The following PDIA5 variants were observed in gnomAD, a reference collection of about 807,000 sequenced individuals.
PDIA5 encodes the protein protein disulfide isomerase family A member 5, also known as protein disulfide-isomerase A5.
PDIA5 carries 58 observed loss-of-function variants against 77.6 expected under a neutral mutation model. The ratio of observed to expected loss-of-function variants is 0.75; its 90% CI spans 0.61 to 0.93. The LOEUF is 0.93. Ranked by LOEUF, PDIA5 falls within the 40% of genes least tolerant of loss-of-function variation. The probability of loss-of-function intolerance (pLI) is 0.00; values close to 1 mark genes in which losing one functional copy is unlikely to be tolerated. For missense variants in PDIA5, 630 were observed against 647.7 expected (o/e 0.97, Z 0.30); for synonymous variants, 250 against 252.1 (o/e 0.99, Z 0.08).
intron 3 of PDIA5, among the ~76,000 whole-genome samples, chr3:123,098,242 T>G (rs1338387162): frequency 6.6e-6 from 1 of 152,180 alleles, no homozygotes; most frequent in African/African-American, 2.4e-5. Context: ...CAGAGGTCGC[T>G]AATGGCAGAG....
intron 8 of PDIA5, 152 bp from the exon 9 acceptor site, chr3:123,123,914 G>T (rs1443703449): frequency 1.6e-6 from 1 of 622,684 alleles, no homozygotes; most frequent in Non-Finnish European, 2.9e-6. Flanking sequence ...GGCTTCGCTG[G>T]CCTTGTTTCT....
At chr3:123,139,202 C>T (rs1935568339) in intron 11 of PDIA5, among the ~76,000 whole-genome samples, 1 of 152,170 alleles carries the variant, frequency 6.6e-6, no homozygotes, top group Non-Finnish European at 1.5e-5. Flanking sequence ...ACACAAAATG[C>T]AGTGGGCCGG....
At chr3:123,156,030 C>T (rs118122986) in intron 15 of PDIA5, among the ~76,000 whole-genome samples, 3 of 152,022 alleles carry the variant, frequency 2.0e-5, no homozygotes, top group East Asian at 3.9e-4. Context: ...ATCCCAGGGC[C>T]GGGTGGGCAG....
intron 13 of PDIA5, among the ~76,000 whole-genome samples, chr3:123,146,728 T>C (rs1195632601): frequency 6.6e-6 from 1 of 152,232 alleles, no homozygotes; most frequent in Non-Finnish European, 1.5e-5. Flanking sequence ...ATGTATTAGT[T>C]TGCTAGTGTT....
chr3:123,153,272 G>T (rs1935953442), intron 14 of PDIA5, among the ~76,000 whole-genome samples: 1 of 152,190 alleles, frequency 6.6e-6, no homozygotes, highest in South Asian at 2.1e-4. Context: ...GAGGAAGGGG[G>T]GTGGTTATTT....
intron 2 of PDIA5, 144 bp from the exon 3 acceptor site, chr3:123,092,211 G>A (rs1353946999): frequency 4.6e-6 from 3 of 653,154 alleles, no homozygotes; most frequent in African/African-American, 3.6e-5. Flanking sequence ...GTTGAATGCA[G>A]GGATGGGTGT....
intron 13 of PDIA5, among the ~76,000 whole-genome samples, chr3:123,148,607 T>C (rs1293075929): frequency 6.6e-6 from 1 of 151,820 alleles, no homozygotes; most frequent in African/African-American, 2.4e-5. Flanking sequence ...TTATGACTGA[T>C]TGTGGACTTC....
At chr3:123,069,875 A>C in intron 1 of PDIA5, among the ~76,000 whole-genome samples, 1 of 152,076 alleles carries the variant, frequency 6.6e-6, no homozygotes, top group Middle Eastern at 3.2e-3. Flanking sequence ...GGATCACCTG[A>C]GGTCAGGAGT....
At chr3:123,079,416 G>A (rs1231821594) in intron 1 of PDIA5, among the ~76,000 whole-genome samples, 2 of 152,010 alleles carry the variant, frequency 1.3e-5, no homozygotes, top group Non-Finnish European at 2.9e-5. Context: ...TCCTGACCTC[G>A]TGATCCGCCC....
intron 1 of PDIA5, among the ~76,000 whole-genome samples, chr3:123,069,638 A>C (rs534103091): frequency 8.5e-5 from 13 of 152,282 alleles, no homozygotes; most frequent in African/African-American, 2.9e-4. Flanking sequence ...TAGAAAGAAG[A>C]CTAGACAGTT....
At chr3:123,121,316 A>G (rs577446798) in intron 8 of PDIA5, among the ~76,000 whole-genome samples, 12 of 152,154 alleles carry the variant, frequency 7.9e-5, no homozygotes, top group Non-Finnish European at 1.5e-4. Flanking sequence ...GGCTGAACAC[A>G]CAGAAGAGCA....
At chr3:123,074,164 A>G (rs1294074538) in intron 1 of PDIA5, among the ~76,000 whole-genome samples, 1 of 152,184 alleles carries the variant, frequency 6.6e-6, no homozygotes, top group Non-Finnish European at 1.5e-5. Context: ...TTTTTTCCCA[A>G]ATGGATATTT....
chr3:123,145,639 C>T (rs1935750634), intron 12 of PDIA5, 47 bp downstream of exon 12: 1 of 1,488,638 alleles, frequency 6.7e-7, no homozygotes, highest in South Asian at 1.1e-5. Context: ...GAAAGAATCA[C>T]TGACAGGTGG....
chr3:123,130,800 C>T (rs1015294139), intron 11 of PDIA5, among the ~76,000 whole-genome samples, 184 bp downstream of exon 11: 3 of 152,174 alleles, frequency 2.0e-5, no homozygotes, highest in Admixed American at 1.3e-4. Flanking sequence ...GCCTACCCCC[C>T]ATTGCCATGG....
At chr3:123,080,359 G>A (rs934379072) in intron 1 of PDIA5, among the ~76,000 whole-genome samples, 1 of 152,104 alleles carries the variant, frequency 6.6e-6, no homozygotes, top group Non-Finnish European at 1.5e-5. Flanking sequence ...ATTTTGAGGG[G>A]ATTTCTATAT....
chr3:123,081,795 T>G (rs1175097525), intron 1 of PDIA5, among the ~76,000 whole-genome samples: 1 of 152,182 alleles, frequency 6.6e-6, no homozygotes, highest in Non-Finnish European at 1.5e-5. Flanking sequence ...AATGCGAGGG[T>G]GCTGGCACGC....
chr3:123,082,573 G>T (rs1045039788), intron 1 of PDIA5, among the ~76,000 whole-genome samples: 2 of 152,126 alleles, frequency 1.3e-5, no homozygotes, highest in Non-Finnish European at 2.9e-5. Flanking sequence ...ATGTGTGTAC[G>T]TGTTCGCTCC....
intron 6 of PDIA5, among the ~76,000 whole-genome samples, chr3:123,109,405 C>A (rs778064204): frequency 9.8e-5 from 15 of 152,294 alleles, no homozygotes; most frequent in Non-Finnish European, 1.6e-4. Flanking sequence ...CTTTTATCTA[C>A]AGAAATCCCA....
At chr3:123,096,688 A>G (rs11713912) in intron 3 of PDIA5, among the ~76,000 whole-genome samples, 7,389 of 152,186 alleles carry the variant, frequency 0.049, 300 homozygotes, top group African/African-American at 0.11. Context: ...TCTGTAGGGC[A>G]TCTGACTTCT....
Sources: gnomAD v4.1 joint callset for allele counts (sites outside exome capture counted in the v4.1 genomes callset) on GRCh38, gnomAD v4.1.1 for gene constraint, MANE v1.5 for transcripts, NCBI Gene and HGNC (gene_info 2026-07-23, HGNC 2026-07-21) for gene names.